Variants in THADA observed in about 807,000 individuals in gnomAD.
THADA encodes the protein tRNA (32-2'-O)-methyltransferase regulator THADA.
THADA carries 213 observed loss-of-function variants against 219.8 expected under a neutral mutation model. The observed-to-expected ratio is 0.97, with a 90% confidence interval of 0.87 to 1.09. The LOEUF is 1.09. THADA is among the 50% of genes least tolerant of loss of function. The pLI is 0.00. For synonymous variants in THADA, 1,018 were observed against 828.9 expected (o/e 1.23, Z -3.92); for missense variants, 2,956 against 2,311.3 (o/e 1.28, Z -5.72).
At chr2:43,509,916 T>A (rs763491185) in intron 22 of THADA, among the ~76,000 whole-genome samples, 1 of 152,182 alleles carries the variant, frequency 6.6e-6, no homozygotes, top group African/African-American at 2.4e-5. Context: ...ACCTCACCCT[T>A]GCTTCTTCGA....
At chr2:43,350,721 T>C (rs1668157367) in intron 29 of THADA, among the ~76,000 whole-genome samples, 1 of 152,228 alleles carries the variant, frequency 6.6e-6, no homozygotes, top group South Asian at 2.1e-4. Context: ...GGGCACTTGC[T>C]GTCCACATGA....
At chr2:43,557,313 T>C (rs1306763508) in intron 16 of THADA, among the ~76,000 whole-genome samples, 1 of 152,210 alleles carries the variant, frequency 6.6e-6, no homozygotes, top group Non-Finnish European at 1.5e-5. Context: ...TCCTGTAGAA[T>C]TTTGCTATGA....
intron 33 of THADA, 140 bp from the exon 34 acceptor site, chr2:43,291,908 G>A (rs1056815668): frequency 2.9e-5 from 24 of 817,366 alleles, no homozygotes; most frequent in Non-Finnish European, 4.1e-5. Flanking sequence ...AATGCCTCCG[G>A]AAGCAATTAC....
At chr2:43,592,155 G>A (rs936495296) in intron 2 of THADA, 109 bp from the exon 3 acceptor site, 8 of 1,003,080 alleles carry the variant, frequency 8.0e-6, no homozygotes, top group Middle Eastern at 2.3e-4. Flanking sequence ...GCAATAGGTG[G>A]AACATAGTCT....
chr2:43,497,143 T>A (rs1383817156), intron 25 of THADA, among the ~76,000 whole-genome samples: 1 of 152,146 alleles, frequency 6.6e-6, no homozygotes, highest in African/African-American at 2.4e-5. Flanking sequence ...TCCTCAAGGA[T>A]CTAGAACCAG....
intron 27 of THADA, among the ~76,000 whole-genome samples, chr2:43,429,283 T>A (rs1678925175): frequency 1.3e-5 from 2 of 152,104 alleles, no homozygotes; most frequent in Admixed American, 6.5e-5. Context: ...ATATTTGTAT[T>A]TTTAATAGAG....
chr2:43,364,373 T>TA (rs1174911461), intron 29 of THADA, among the ~76,000 whole-genome samples: 1 of 152,222 alleles, frequency 6.6e-6, no homozygotes, highest in African/African-American at 2.4e-5. Flanking sequence ...CCAGCACTAC[T>TA]AACGTTCCCC....
intron 29 of THADA, among the ~76,000 whole-genome samples, chr2:43,366,994 A>G (rs1307274493): frequency 1.3e-5 from 2 of 152,244 alleles, no homozygotes; most frequent in Non-Finnish European, 2.9e-5. Flanking sequence ...ATGCAAAGGA[A>G]TATTATTCAG....
At chr2:43,579,376 G>A (rs1483997709) in intron 8 of THADA, among the ~76,000 whole-genome samples, 2 of 152,178 alleles carry the variant, frequency 1.3e-5, no homozygotes, top group Non-Finnish European at 2.9e-5. Context: ...AACTTTGCTA[G>A]CACTGACACT....
rs544684047 is a variant in THADA, at chr2:43,514,999, A to AT, written c.3375-6220_3375-6219insA. On this transcript the variant is annotated intron_variant, in intron 22 of 37. Coordinates refer to ENST00000405975, the MANE Select transcript of THADA (RefSeq NM_022065.5). ...ATATAACATTTTATATATAATATAT[A>AT]ATATTATATATATTATATATTTTAT... 8.8e-3 allele frequency among the ~76,000 whole-genome samples: 419 copies of AT among 47,446 alleles called. 19 individuals are homozygous for AT. Among genetic ancestry groups the AT allele is most frequent in the African/African-American group, 0.042 (394 of 9,376 alleles). The allele number at this position is 47,446 out of a possible 152,430, so 31.1% of individuals were successfully genotyped here. A position where few individuals can be genotyped will look rare whatever the true frequency, so the allele number is the denominator to read the frequency against.
intron 26 of THADA, among the ~76,000 whole-genome samples, chr2:43,430,951 G>A (rs7602871): frequency 0.023 from 3,539 of 152,300 alleles, 145 homozygotes; most frequent in African/African-American, 0.08. Context: ...GGCATGTGAA[G>A]TTCTGGAAAT....
chr2:43,238,153 GGAAGGAAA>G (rs1451047838), intron 36 of THADA, among the ~76,000 whole-genome samples: 1 of 78,446 alleles, frequency 1.3e-5, no homozygotes, highest in African/African-American at 4.7e-5. Context: ...AAAAAAAAAA[GGAAGGAAA>G]GAAGGAAGGG....
intron 29 of THADA, among the ~76,000 whole-genome samples, chr2:43,396,271 T>C (rs1168504957): frequency 6.6e-6 from 1 of 152,194 alleles, no homozygotes; most frequent in Non-Finnish European, 1.5e-5. Context: ...TTTCTTTACT[T>C]GGCTAACTTC....
chr2:43,368,017 C>T (rs1173089350), intron 29 of THADA, among the ~76,000 whole-genome samples: 2 of 152,076 alleles, frequency 1.3e-5, no homozygotes, highest in Non-Finnish European at 2.9e-5. Context: ...ACTTGGGAGG[C>T]TGAGGCAGGA....
At chr2:43,577,342 T>C in intron 9 of THADA, 100 bp from the exon 10 acceptor site, 2 of 959,520 alleles carry the variant, frequency 2.1e-6, no homozygotes, top group Admixed American at 2.7e-5. Flanking sequence ...TGAAAAATCC[T>C]AGGAAAAATG....
Position 43,498,842 on chromosome 2 carries a change from C to G in THADA, c.3735G>C (p.Pro1245=). The part of the protein sequence containing the change: ...AKAAILGFTS[P]VWAVRNSSTL... ...TAGTGACAGCACTTACTGCCCAGAC[C>G]GGTGATGTAAAACCCAGAATTGCAG... is the stretch of plus-strand genomic sequence containing the variant. Residue 1245 remains proline, a synonymous_variant, in exon 25 of 38, where the codon CCG becomes CCC. Coordinates refer to ENST00000405975, the MANE Select transcript of THADA (RefSeq NM_022065.5). The G allele has an allele frequency of 1.2e-6, 2 of 1,612,824 alleles. No homozygotes were observed. Among genetic ancestry groups the G allele is most frequent in the Middle Eastern group, 1.7e-4 (1 of 6,054 alleles).
chr2:43,249,679 G>C (rs1435155704), intron 36 of THADA, among the ~76,000 whole-genome samples: 2 of 152,110 alleles, frequency 1.3e-5, no homozygotes, highest in Non-Finnish European at 2.9e-5. Flanking sequence ...GGTATTTTAG[G>C]CTTACAATTT....
intron 36 of THADA, among the ~76,000 whole-genome samples, chr2:43,276,358 C>T (rs572678520): frequency 6.6e-6 from 1 of 152,104 alleles, no homozygotes; most frequent in Non-Finnish European, 1.5e-5. Context: ...GTGTGGGCTG[C>T]AGCATGTGCA....
Position 43,411,745 on chromosome 2 carries a change from CT to C in THADA, c.4059-13607del, listed in dbSNP as rs564121207. Among the ~76,000 whole-genome samples, 40 of 152,216 alleles carry C rather than the reference CT, an allele frequency of 2.6e-4. 1 individual carries two copies. The East Asian group carries it at 7.7e-3, about 29-fold the overall frequency. Reference sequence around the variant, plus strand: ...TACCCTGCCACTAATTAAAAATATACTAGTGTTACAAGTATACAGTTTCAAT... The same window carrying C: ...TACCCTGCCACTAATTAAAAATATACAGTGTTACAAGTATACAGTTTCAAT... On this transcript the variant is annotated intron_variant, in intron 28 of 37. Coordinates refer to ENST00000405975, the MANE Select transcript of THADA (RefSeq NM_022065.5).
Sources: gnomAD v4.1 joint callset for allele counts (sites outside exome capture counted in the v4.1 genomes callset) on GRCh38, gnomAD v4.1.1 for gene constraint, MANE v1.5 for transcripts, NCBI Gene and HGNC (gene_info 2026-07-23, HGNC 2026-07-21) for gene names.